CXADR: variants seen among roughly 807,000 people sequenced by gnomAD.
CXADR encodes the protein coxsackievirus and adenovirus receptor.
In CXADR, 20 loss-of-function variants were observed where a neutral mutation model predicts 40.3. The observed-to-expected ratio is 0.50, with a 90% CI of 0.35 to 0.72. The LOEUF (loss-of-function observed/expected upper bound fraction) is 0.72. CXADR is among the 30% of genes least tolerant of loss of function. The pLI is 0.01. For synonymous variants in CXADR, 150 were observed against 161.3 expected, an observed-to-expected ratio of 0.93 and a Z score of 0.53; for missense variants, 332 against 449.1, an observed-to-expected ratio of 0.74 and a Z score of 2.36.
rs565414110 is a variant in CXADR, at chr21:17,568,781, C to G, written c.*3089C>G. ...ATATGATTCCCTTGTTAGAGAGCCT[C>G]TCACTCCCCCACCCCCAAAAATGTC... is the stretch of plus-strand genomic sequence containing the variant. On this transcript the variant is annotated 3_prime_UTR_variant, in exon 7 of 7. Coordinates refer to ENST00000284878, the MANE Select transcript of CXADR (RefSeq NM_001338.5). 263 of 985,096 alleles carry G rather than the reference C, an allele frequency of 2.7e-4. 1 individual carries two copies. The African/African-American group carries it at 4.3e-3, about 16-fold the overall frequency. 61.0% of individuals were successfully genotyped at this position (985,096 alleles called of 1,614,324 possible). A position where few individuals can be genotyped will look rare whatever the true frequency, so the allele number is the denominator to read the frequency against.
intron 1 of CXADR, chr21:17,518,961 A>G (rs1049791184): frequency 3.7e-6 from 6 of 1,609,236 alleles, no homozygotes; most frequent in Non-Finnish European, 4.3e-6. Flanking sequence ...TCCGGACCTG[A>G]GCCTGAAGTT....
At chr21:17,559,668 G>GTTTTTTTTTTTTTTTTTTTTTTTTTT (rs1491548660) in intron 4 of CXADR, among the ~76,000 whole-genome samples, 1 of 106,208 alleles carries the variant, frequency 9.4e-6, no homozygotes, top group African/African-American at 3.8e-5. Flanking sequence ...CTTTTTTTTG[G>GTTTTTTTTTTTTTTTTTTTTTTTTTT]GTTTTTTTTT....
the CXADR span, among the ~76,000 whole-genome samples, chr21:17,601,125 T>C: frequency 6.6e-6 from 1 of 150,860 alleles, no homozygotes; most frequent in African/African-American, 2.5e-5. Flanking sequence ...ATCGCACCAC[T>C]GCACTCCAGC....
At chr21:17,549,839 A>T (rs1023371418) in intron 2 of CXADR, among the ~76,000 whole-genome samples, 4 of 152,214 alleles carry the variant, frequency 2.6e-5, no homozygotes, top group African/African-American at 9.6e-5. Flanking sequence ...GCAAATTATG[A>T]TAAGCCTTTT....
rs537254914 is a variant in CXADR, at chr21:17,585,200, A to G, written c.1018-7952A>G. 2.6e-5 allele frequency among the ~76,000 whole-genome samples: 4 copies of G among 152,294 alleles called. No individual in the cohort carries two copies. In the South Asian group the frequency reaches 8.3e-4, roughly 32 times the overall value. On this transcript the variant is annotated intron_variant, in intron 7 of 7. Coordinates refer to the CXADR transcript ENST00000400169. Reference sequence around the variant, plus strand: ...TGAATACTCCTGACCAACATCTGACATTGATATGCATTGAGATATATGATT... The same window carrying G: ...TGAATACTCCTGACCAACATCTGACGTTGATATGCATTGAGATATATGATT...
At chr21:17,570,987 G>T (rs1042193491), downstream of CXADR, among the ~76,000 whole-genome samples, 1 of 152,140 alleles carries the variant, frequency 6.6e-6, no homozygotes, top group Non-Finnish European at 1.5e-5. Context: ...GCTTCCACCC[G>T]CTGGATATCA....
chr21:17,633,688 ACTT>A, the CXADR span, among the ~76,000 whole-genome samples: 1 of 152,202 alleles, frequency 6.6e-6, no homozygotes, highest in African/African-American at 2.4e-5. Context: ...CTGCCACTAA[ACTT>A]CTCATAAATT....
At chr21:17,608,985 C>T in the CXADR span, 1 of 1,613,294 alleles carries the variant, frequency 6.2e-7, no homozygotes, top group Non-Finnish European at 8.5e-7. Context: ...TAGGCCTGTC[C>T]TTTCGATGGT....
the CXADR span, among the ~76,000 whole-genome samples, chr21:17,628,491 G>A: frequency 6.6e-6 from 1 of 151,898 alleles, no homozygotes; most frequent in African/African-American, 2.4e-5. Flanking sequence ...GCAGAAAAAC[G>A]TCAATGTCCC....
intron 1 of CXADR, among the ~76,000 whole-genome samples, chr21:17,524,747 T>C (rs749518589): frequency 9.9e-5 from 15 of 151,652 alleles, no homozygotes; most frequent in Non-Finnish European, 1.6e-4. Flanking sequence ...ATTAGCCACG[T>C]GTGATACAAA....
At chr21:17,514,171 T>C (rs1431867842) in intron 1 of CXADR, among the ~76,000 whole-genome samples, 1 of 152,100 alleles carries the variant, frequency 6.6e-6, no homozygotes, top group African/African-American at 2.4e-5. Flanking sequence ...GGTGGGATCC[T>C]AGGAGGCGCA....
chr21:17,547,389 T>C (rs556291361), intron 2 of CXADR, among the ~76,000 whole-genome samples, 196 bp downstream of exon 2: 13 of 152,312 alleles, frequency 8.5e-5, no homozygotes, highest in African/African-American at 3.1e-4. Context: ...GGGAAATAGA[T>C]AATGAGTGTG....
In CXADR at chr21:17,586,901, A is replaced by G. The variant is rs140300036; in HGVS notation, c.1018-6251A>G. 6.4e-3 allele frequency among the ~76,000 whole-genome samples: 969 copies of G among 151,896 alleles called. 58 individuals carry two copies. The East Asian group carries it at 0.13, about 21-fold the overall frequency. On this transcript the variant is annotated intron_variant, in intron 7 of 7. Transcript: ENST00000400169. ...TGTCCCTCCTCCCTCCCCTCACCCCACAACAGTCCCTGGTGTGTGATGTTC... is the reference window on the plus strand; with the variant it reads ...TGTCCCTCCTCCCTCCCCTCACCCCGCAACAGTCCCTGGTGTGTGATGTTC...
intron 1 of CXADR, among the ~76,000 whole-genome samples, chr21:17,523,760 T>C (rs2060559820): frequency 6.6e-6 from 1 of 152,164 alleles, no homozygotes; most frequent in South Asian, 2.1e-4. Flanking sequence ...TGGGTTTATC[T>C]TACTGTCTTT....
intron 3 of CXADR, among the ~76,000 whole-genome samples, chr21:17,552,695 GCT>G (rs1491323025): frequency 6.6e-6 from 1 of 152,122 alleles, no homozygotes; most frequent in East Asian, 1.9e-4. Context: ...TAGCTGTCTA[GCT>G]CTCTGCTTAA....
the CXADR span, among the ~76,000 whole-genome samples, chr21:17,602,299 T>C: frequency 6.6e-6 from 1 of 152,250 alleles, no homozygotes; most frequent in Admixed American, 6.5e-5. Flanking sequence ...CTTTGTACTC[T>C]TGCAGCATTT....
At chr21:17,540,282 TG>T (rs922969854) in intron 1 of CXADR, among the ~76,000 whole-genome samples, 4 of 152,128 alleles carry the variant, frequency 2.6e-5, no homozygotes, top group East Asian at 1.9e-4. Flanking sequence ...ATATGAATTT[TG>T]GGGGGGACAT....
Position 17,569,447 on chromosome 21 carries a change from G to C in CXADR, c.*3755G>C. 3 of 984,922 alleles carry C rather than the reference G, an allele frequency of 3.0e-6. No individual in the cohort carries two copies. The highest frequency in any genetic ancestry group is 3.6e-6 in the Non-Finnish European group (3 of 829,838). The allele number at this position is 984,922 out of a possible 1,614,324, so 61.0% of individuals were successfully genotyped here. ...TGTTCTGGGCAAGTTTTAATATTTT[G>C]AATGCCTTTGGATATTCCAGCAATA... On this transcript the variant is annotated 3_prime_UTR_variant, in exon 7 of 7. Coordinates refer to ENST00000284878, the MANE Select transcript of CXADR (RefSeq NM_001338.5).
chr21:17,599,855 G>T, the CXADR span, among the ~76,000 whole-genome samples: 1 of 152,126 alleles, frequency 6.6e-6, no homozygotes, highest in East Asian at 1.9e-4. Flanking sequence ...CTATAAAATT[G>T]ACTTTAACCC....
Sources: gnomAD v4.1 joint callset for allele counts (sites outside exome capture counted in the v4.1 genomes callset) on GRCh38, gnomAD v4.1.1 for gene constraint, MANE v1.5 for transcripts, NCBI Gene and HGNC (gene_info 2026-07-23, HGNC 2026-07-21) for gene names.